MLIP: variants seen among roughly 807,000 people sequenced by gnomAD.
MLIP encodes muscular LMNA-interacting protein.
Under a neutral mutation model 84.8 loss-of-function variants are expected in MLIP, and 79 were observed. The observed-to-expected ratio is 0.93, with a 90% CI of 0.78 to 1.12. The LOEUF (loss-of-function observed/expected upper bound fraction) is 1.12. Among genes scored for constraint, MLIP ranks in the 50% most tolerant of loss-of-function variants. The pLI, the probability that MLIP is intolerant of heterozygous loss-of-function variation, is 0.00. For synonymous variants in MLIP, 504 were observed against 463.0 expected (o/e 1.09, Z -1.14); for missense variants, 1,257 against 1,160.6 (o/e 1.08, Z -1.21).
chr6:54,181,088 C>A (rs755826647), intron 9 of MLIP, among the ~76,000 whole-genome samples: 2 of 152,150 alleles, frequency 1.3e-5, no homozygotes, highest in Admixed American at 6.5e-5. Flanking sequence ...GATGCATGCA[C>A]CCCTGTGGCA....
chr6:54,186,479 C>G (rs1190829295), intron 9 of MLIP, among the ~76,000 whole-genome samples: 1 of 152,120 alleles, frequency 6.6e-6, no homozygotes, highest in African/African-American at 2.4e-5. Context: ...CATTTTCATA[C>G]TGCTATAAAG....
At chr6:54,101,167 T>C (rs571631999) in intron 1 of MLIP, among the ~76,000 whole-genome samples, 1 of 152,224 alleles carries the variant, frequency 6.6e-6, no homozygotes, top group African/African-American at 2.4e-5. Flanking sequence ...TAAAAATCTT[T>C]TGGATGATAG....
At position 54,049,122 on chromosome 6, in the gene MLIP, C is replaced by T. The variant is rs572855819; in HGVS notation, c.63+30031C>T. 2.4e-4 allele frequency among the ~76,000 whole-genome samples: 37 copies of T among 152,196 alleles called. 1 individual carries two copies. In the South Asian group the frequency reaches 6.7e-3, roughly 27 times the overall value. On this transcript the variant is annotated intron_variant, in intron 1 of 12. Transcript: ENST00000274897. ...GGATATACATAAACCTAACACTGAA[C>T]CAGGGCTCTTGACCTTGGCTAATGA...
At chr6:54,155,378 T>G (rs1219254491) in intron 5 of MLIP, among the ~76,000 whole-genome samples, 3 of 152,150 alleles carry the variant, frequency 2.0e-5, no homozygotes, top group Admixed American at 1.3e-4. Flanking sequence ...CAGGTCATAT[T>G]AACAAAGTAT....
intron 11 of MLIP, among the ~76,000 whole-genome samples, chr6:54,213,658 C>A (rs1476957751): frequency 1.5e-5 from 2 of 131,320 alleles, no homozygotes; most frequent in Non-Finnish European, 3.1e-5. Context: ...GCCAAGATTG[C>A]ATCACTGCCA....
chr6:54,107,632 G>A (rs1561935867), upstream of MLIP, among the ~76,000 whole-genome samples: 1 of 152,198 alleles, frequency 6.6e-6, no homozygotes. Flanking sequence ...AACCTGACAT[G>A]CATTGCCCAT....
At chr6:54,029,652 A>T (rs115392688) in intron 1 of MLIP, among the ~76,000 whole-genome samples, 1,696 of 152,284 alleles carry the variant, frequency 0.011, 38 homozygotes, top group African/African-American at 0.039. Context: ...TGTTCAGGGT[A>T]TCATACTATA....
chr6:54,036,536 C>A (rs963746946), intron 1 of MLIP, among the ~76,000 whole-genome samples: 1 of 151,754 alleles, frequency 6.6e-6, no homozygotes, highest in Admixed American at 6.6e-5. Flanking sequence ...TGGCTGTTCC[C>A]AAAAAGATCA....
Position 54,254,967 on chromosome 6 carries a change from A to G in MLIP, c.2923-2341A>G, listed in dbSNP as rs114311522. 7.4e-3 allele frequency among the ~76,000 whole-genome samples: 1,120 copies of G among 152,130 alleles called. 19 individuals carry two copies. The highest frequency in any genetic ancestry group is 0.025 in the African/African-American group (1,032 of 41,504). ...GAACGACTTCTCACTGCCTAAGATA[A>G]TTAAGCTCAGACTCCTCATCTGACA... On this transcript the variant is annotated intron_variant, in intron 12 of 13. Transcript: ENST00000502396.
At chr6:54,165,131 C>T (rs1174631350) in intron 8 of MLIP, among the ~76,000 whole-genome samples, 2 of 151,864 alleles carry the variant, frequency 1.3e-5, no homozygotes, top group East Asian at 1.9e-4. Context: ...TCCTGAAGCC[C>T]AAGTCCTAGC....
intron 12 of MLIP, among the ~76,000 whole-genome samples, chr6:54,254,721 ATCT>A (rs1479496887): frequency 2.2e-5 from 3 of 133,500 alleles, no homozygotes; most frequent in Non-Finnish European, 4.7e-5. Context: ...TTTTATTAGA[ATCT>A]TCTTTTTTTT....
intron 1 of MLIP, among the ~76,000 whole-genome samples, chr6:54,022,521 G>A (rs904657727): frequency 4.6e-5 from 7 of 152,050 alleles, no homozygotes; most frequent in Middle Eastern, 3.2e-3. Flanking sequence ...GTTACTTCTG[G>A]AATAGTTTTA....
At chr6:54,091,769 T>C (rs2150372979) in intron 1 of MLIP, among the ~76,000 whole-genome samples, 1 of 152,292 alleles carries the variant, frequency 6.6e-6, no homozygotes, top group African/African-American at 2.4e-5. Context: ...GGCCTCCAGT[T>C]ATAGATCTCT....
intron 12 of MLIP, among the ~76,000 whole-genome samples, chr6:54,239,306 A>G (rs1392436586): frequency 2.7e-5 from 4 of 149,226 alleles, no homozygotes; most frequent in Non-Finnish European, 5.9e-5. Context: ...AGGAAAATGT[A>G]TACTCCTATG....
chr6:54,079,708 T>A lies in MLIP; in HGVS notation c.64-41739T>A, dbSNP rs142309873. Reference sequence around the variant, plus strand: ...GCTTGATTCCTTTCCCCCCACCATATTGTGGGAGTCCATGGCTCCTAGAAT... The same window carrying A: ...GCTTGATTCCTTTCCCCCCACCATAATGTGGGAGTCCATGGCTCCTAGAAT... On this transcript the variant is annotated intron_variant, in intron 1 of 12. Transcript: ENST00000274897. 12 of 152,262 alleles carry A rather than the reference T, an allele frequency of 7.9e-5. No homozygotes were observed. In the East Asian group the frequency reaches 2.3e-3, roughly 29 times the overall value. 9.4% of individuals were successfully genotyped at this position (152,262 alleles called of 1,614,324 possible).
intron 10 of MLIP, 53 bp downstream of exon 10, chr6:54,189,967 G>A: frequency 8.0e-7 from 1 of 1,249,138 alleles, no homozygotes; most frequent in Non-Finnish European, 1.2e-6. Context: ...TCTCAAGAGA[G>A]CTTTACCTGA....
chr6:54,237,814 C>A (rs1781470352), intron 12 of MLIP, among the ~76,000 whole-genome samples: 1 of 152,044 alleles, frequency 6.6e-6, no homozygotes, highest in East Asian at 1.9e-4. Context: ...TGTGTCACTG[C>A]ATTCTCGGCT....
chr6:54,261,758 T>C (rs976480046), intron 13 of MLIP: 20 of 983,966 alleles, frequency 2.0e-5, no homozygotes, highest in South Asian at 4.7e-5. Context: ...GCCACTCTCA[T>C]TTTCTGGTTT....
intron 1 of MLIP, among the ~76,000 whole-genome samples, chr6:54,070,731 A>G (rs1350017893): frequency 2.0e-5 from 3 of 152,116 alleles, no homozygotes; most frequent in Admixed American, 1.3e-4. Context: ...TCTTTTTAGC[A>G]TATTGTTTTT....
Sources: allele counts gnomAD v4.1 joint callset (sites outside exome capture counted in the v4.1 genomes callset), GRCh38; gene constraint gnomAD v4.1.1; transcripts MANE v1.5; gene names NCBI Gene and HGNC (gene_info 2026-07-23, HGNC 2026-07-21).